The following SEMA3D variants were observed in gnomAD, a reference collection of about 807,000 sequenced individuals.
SEMA3D encodes semaphorin 3D.
A neutral mutation model predicts 100.1 loss-of-function variants in SEMA3D; 84 were observed. The observed-to-expected ratio is 0.84, with a 90% CI of 0.70 to 1.01. SEMA3D has a LOEUF of 1.01. Ranked by LOEUF, SEMA3D falls within the 50% of genes least tolerant of loss-of-function variation. The probability of loss-of-function intolerance (pLI) is 0.00; values close to 1 mark genes in which losing one functional copy is unlikely to be tolerated. For synonymous variants in SEMA3D, 312 were observed against 320.7 expected (o/e 0.97, Z 0.29); for missense variants, 875 against 934.1 (o/e 0.94, Z 0.82).
At chr7:85,127,732 T>C (rs900444462) in intron 2 of SEMA3D, among the ~76,000 whole-genome samples, 13 of 152,176 alleles carry the variant, frequency 8.5e-5, no homozygotes, top group African/African-American at 2.7e-4. Flanking sequence ...CAGCAATTGA[T>C]ACTTATCAAT....
chr7:85,015,726 G>T (rs1173929789), intron 15 of SEMA3D, among the ~76,000 whole-genome samples: 1 of 151,778 alleles, frequency 6.6e-6, no homozygotes, highest in African/African-American at 2.4e-5. Flanking sequence ...GAAAGTATTT[G>T]TTATCACTCT....
chr7:85,117,627 G>A (rs1391325990), intron 3 of SEMA3D, among the ~76,000 whole-genome samples: 1 of 151,928 alleles, frequency 6.6e-6, no homozygotes, highest in Non-Finnish European at 1.5e-5. Context: ...ACAAAAATTA[G>A]CCATGCCTGA....
rs1790485333 is a variant in SEMA3D, at chr7:85,029,482, G to C, written c.1192-6869C>G. 3 of 696,808 alleles carry C rather than the reference G, an allele frequency of 4.3e-6. No homozygotes were observed. In the African/African-American group the frequency reaches 5.3e-5, roughly 12 times the overall value. 43.2% of individuals were successfully genotyped at this position (696,808 alleles called of 1,614,324 possible). The stretch of plus-strand genomic sequence containing the variant: ...ACAGAAGATTCTTAGCAAGTGCCAT[G>C]AAATTATCAACTGGCTCGACAAGAA... On this transcript the variant is annotated intron_variant, in intron 12 of 18. Coordinates refer to ENST00000284136, the MANE Select transcript of SEMA3D (RefSeq NM_001384900.1).
chr7:85,065,056 T>C (rs537904171), intron 8 of SEMA3D, among the ~76,000 whole-genome samples: 1 of 152,310 alleles, frequency 6.6e-6, no homozygotes, highest in African/African-American at 2.4e-5. Context: ...ATTCTCACTC[T>C]GCATCTGACA....
At chr7:85,176,793 T>TATAG (rs368105010) in intron 1 of SEMA3D, among the ~76,000 whole-genome samples, 9,369 of 149,836 alleles carry the variant, frequency 0.063, 335 homozygotes, top group East Asian at 0.12. Context: ...TATATATATA[T>TATAG]AGAGAGAGAG....
intron 5 of SEMA3D, among the ~76,000 whole-genome samples, chr7:85,074,817 G>A (rs1397402984): frequency 1.3e-5 from 2 of 151,670 alleles, no homozygotes; most frequent in African/African-American, 4.8e-5. Flanking sequence ...ACAGGGTCTC[G>A]CTTTGTTACC....
the SEMA3D span, among the ~76,000 whole-genome samples, chr7:85,197,703 T>C: frequency 6.6e-6 from 1 of 152,196 alleles, no homozygotes; most frequent in African/African-American, 2.4e-5. Flanking sequence ...ACTCTTTTCA[T>C]TGGCAACCCT....
At chr7:85,144,271 TA>T in intron 2 of SEMA3D, 1 of 170,166 alleles carries the variant, frequency 5.9e-6, no homozygotes, top group Non-Finnish European at 1.2e-5. Context: ...AATTTACAAC[TA>T]AAAGAGGAGA....
At chr7:85,147,644 A>T (rs1360921509) in intron 2 of SEMA3D, among the ~76,000 whole-genome samples, 1 of 152,126 alleles carries the variant, frequency 6.6e-6, no homozygotes, top group Non-Finnish European at 1.5e-5. Flanking sequence ...ATTTCATGAA[A>T]ATCTTAAGAA....
intron 18 of SEMA3D, among the ~76,000 whole-genome samples, chr7:85,001,918 A>G (rs1789666267): frequency 6.6e-6 from 1 of 152,072 alleles, no homozygotes; most frequent in African/African-American, 2.4e-5. Context: ...CCTTTACATA[A>G]CTGGTACTCT....
chr7:85,138,649 T>TAATTTAATATATATATTAAATTA (rs1789938139), intron 2 of SEMA3D, among the ~76,000 whole-genome samples: 1 of 92,480 alleles, frequency 1.1e-5, no homozygotes, highest in Non-Finnish European at 2.0e-5. Flanking sequence ...TATATATATT[T>TAATTTAATATATATATTAAATTA]AATTTAATAT....
the SEMA3D span, among the ~76,000 whole-genome samples, chr7:85,211,684 C>T: frequency 3.3e-4 from 50 of 152,122 alleles, no homozygotes; most frequent in Non-Finnish European, 4.0e-4. Context: ...GAACTGTGTG[C>T]GTGTGCTCTT....
intron 2 of SEMA3D, among the ~76,000 whole-genome samples, chr7:85,147,946 C>G (rs1790263138): frequency 6.6e-6 from 1 of 152,118 alleles, no homozygotes; most frequent in Admixed American, 6.6e-5. Flanking sequence ...CCAGCCCACT[C>G]CACACTAGCT....
chr7:85,146,703 G>A (rs1347614974), intron 2 of SEMA3D, among the ~76,000 whole-genome samples: 1 of 151,898 alleles, frequency 6.6e-6, no homozygotes, highest in African/African-American at 2.4e-5. Flanking sequence ...GGAGAAATAA[G>A]ACACAAGCAC....
At chr7:85,085,943 C>T (rs1788200346) in intron 4 of SEMA3D, among the ~76,000 whole-genome samples, 1 of 152,096 alleles carries the variant, frequency 6.6e-6, no homozygotes, top group East Asian at 1.9e-4. Flanking sequence ...TTGCACCATC[C>T]TAGTTGATGA....
At chr7:85,230,469 A>C in the SEMA3D span, among the ~76,000 whole-genome samples, 1 of 152,162 alleles carries the variant, frequency 6.6e-6, no homozygotes, top group Non-Finnish European at 1.5e-5. Flanking sequence ...TAATTTTTAT[A>C]TTCTACAATT....
At chr7:85,021,419 T>C (rs940911934) in intron 13 of SEMA3D, among the ~76,000 whole-genome samples, 4 of 151,782 alleles carry the variant, frequency 2.6e-5, no homozygotes, top group African/African-American at 9.7e-5. Flanking sequence ...TCAACAGCCA[T>C]CTCTTTTGTC....
chr7:85,043,489 A>C (rs909554041), intron 9 of SEMA3D, among the ~76,000 whole-genome samples: 2 of 152,164 alleles, frequency 1.3e-5, no homozygotes, highest in Non-Finnish European at 2.9e-5. Context: ...TAAACACTTA[A>C]ATCAATTACA....
chr7:85,115,597 G>A (rs1301758519), intron 3 of SEMA3D, among the ~76,000 whole-genome samples: 2 of 151,746 alleles, frequency 1.3e-5, no homozygotes, highest in African/African-American at 4.8e-5. Flanking sequence ...TTTAATATTT[G>A]TTTTCTATTC....
Sources: allele counts gnomAD v4.1 joint callset (sites outside exome capture counted in the v4.1 genomes callset), GRCh38; gene constraint gnomAD v4.1.1; transcripts MANE v1.5; gene names NCBI Gene and HGNC (gene_info 2026-07-23, HGNC 2026-07-21).